DOCK7: variants seen among roughly 807,000 people sequenced by gnomAD.
DOCK7 encodes dedicator of cytokinesis 7.
In DOCK7, 138 loss-of-function variants were observed where a neutral mutation model predicts 271.0. The ratio of observed to expected loss-of-function variants is 0.51; its 90% CI spans 0.44 to 0.59. DOCK7 has a LOEUF of 0.59. Among genes scored for constraint, DOCK7 ranks in the 20% least tolerant of loss-of-function variants. The pLI, the probability that DOCK7 is intolerant of heterozygous loss-of-function variation, is 0.00. For synonymous variants in DOCK7, 823 were observed against 876.1 expected, an observed-to-expected ratio of 0.94 and a Z score of 1.07; for missense variants, 2,066 against 2,592.4, an observed-to-expected ratio of 0.80 and a Z score of 4.41.
At chr1:62,577,917 G>GT (rs1373812320) in intron 17 of DOCK7, among the ~76,000 whole-genome samples, 1 of 151,708 alleles carries the variant, frequency 6.6e-6, no homozygotes, top group Non-Finnish European at 1.5e-5. Flanking sequence ...TTCAACCATA[G>GT]TAATTTTTTT....
intron 14 of DOCK7, chr1:62,602,462 G>GA: frequency 8.1e-7 from 1 of 1,234,124 alleles, no homozygotes; most frequent in Non-Finnish European, 1.2e-6. Context: ...CAGGTATTAG[G>GA]AAAAGTAGTA....
chr1:62,626,176 G>A (rs1653929872), intron 11 of DOCK7, among the ~76,000 whole-genome samples: 1 of 152,064 alleles, frequency 6.6e-6, no homozygotes, highest in East Asian at 1.9e-4. Flanking sequence ...AAATTAGGAA[G>A]TATTTAAGAT....
chr1:62,477,980 G>A, intron 43 of DOCK7, 155 bp from the exon 44 acceptor site: 3 of 826,510 alleles, frequency 3.6e-6, no homozygotes, highest in Non-Finnish European at 5.2e-6. Flanking sequence ...TTTAAACAAA[G>A]TAAACAGTCT....
Position 62,616,590 on chromosome 1 carries a change from A to G in DOCK7, c.1682+2116T>C, listed in dbSNP as rs561798184. Among the ~76,000 whole-genome samples, 5 of 151,906 alleles carry G rather than the reference A, an allele frequency of 3.3e-5. No homozygotes were observed. In the East Asian group the frequency reaches 9.6e-4, roughly 29 times the overall value. On this transcript the variant is annotated intron_variant, in intron 14 of 49. Transcript: ENST00000635253. ...AAATGAAGTAAGAAGGCTTGGGTTCAAGTCCAAACAAGTCTCTTAATTCAG... is the reference window on the plus strand; with the variant it reads ...AAATGAAGTAAGAAGGCTTGGGTTCGAGTCCAAACAAGTCTCTTAATTCAG...
chr1:62,483,209 T>TTTTTTTTTGG (rs1217235928), intron 43 of DOCK7: 1 of 74,400 alleles, frequency 1.3e-5, no homozygotes, highest in African/African-American at 4.4e-5. Context: ...TTTTTTTTTT[T>TTTTTTTTTGG]TTGGGTAGAG....
intron 12 of DOCK7, among the ~76,000 whole-genome samples, chr1:62,622,706 G>A (rs542025208): frequency 1.3e-5 from 2 of 152,272 alleles, no homozygotes; most frequent in South Asian, 4.1e-4. Context: ...TGAGACGGAC[G>A]GATCACAAGG....
At chr1:62,576,384 G>A (rs1336104913) in intron 18 of DOCK7, among the ~76,000 whole-genome samples, 1 of 152,192 alleles carries the variant, frequency 6.6e-6, no homozygotes, top group Non-Finnish European at 1.5e-5. Flanking sequence ...GCAGAGGGAA[G>A]AGCAAAGGGC....
chr1:62,596,750 A>G (rs1649311710), intron 14 of DOCK7, among the ~76,000 whole-genome samples: 1 of 152,160 alleles, frequency 6.6e-6, no homozygotes, highest in African/African-American at 2.4e-5. Context: ...GCTGCTTGTG[A>G]CATTGAAGGT....
intron 7 of DOCK7, 109 bp downstream of exon 7, chr1:62,647,582 C>A: frequency 1.3e-6 from 1 of 749,122 alleles, no homozygotes; most frequent in Non-Finnish European, 2.3e-6. Context: ...AACAATACTT[C>A]TCAAAAGGAC....
chr1:62,627,081 T>C (rs1654043834), intron 11 of DOCK7, among the ~76,000 whole-genome samples: 1 of 152,170 alleles, frequency 6.6e-6, no homozygotes, highest in Non-Finnish European at 1.5e-5. Context: ...AAGGTTAATT[T>C]AACATCCAAA....
At chr1:62,554,494 A>T (rs1204496331) in intron 21 of DOCK7, among the ~76,000 whole-genome samples, 3 of 133,822 alleles carry the variant, frequency 2.2e-5, no homozygotes, top group Non-Finnish European at 5.0e-5. Flanking sequence ...AAAAAAAAAA[A>T]AAAAAGCAAT....
chr1:62,644,391 T>C (rs1263930958), intron 7 of DOCK7, among the ~76,000 whole-genome samples: 1 of 152,220 alleles, frequency 6.6e-6, no homozygotes, highest in African/African-American at 2.4e-5. Flanking sequence ...ATTTCTAATA[T>C]TACTCTCATG....
chr1:62,545,300 T>C (rs1219890033), intron 22 of DOCK7, among the ~76,000 whole-genome samples: 1 of 152,092 alleles, frequency 6.6e-6, no homozygotes, highest in Non-Finnish European at 1.5e-5. Context: ...GGAATACTCT[T>C]GAAGTACCAA....
At chr1:62,665,351 T>C (rs1659170609) in intron 1 of DOCK7, among the ~76,000 whole-genome samples, 1 of 152,028 alleles carries the variant, frequency 6.6e-6, no homozygotes, top group African/African-American at 2.4e-5. Flanking sequence ...TAGCTTGAAG[T>C]CCTTACATAT....
chr1:62,613,886 AC>A (rs957133190), intron 14 of DOCK7, among the ~76,000 whole-genome samples: 29 of 152,172 alleles, frequency 1.9e-4, no homozygotes, highest in African/African-American at 7.0e-4. Context: ...ATAAATTTGA[AC>A]CCCCTGAACT....
At chr1:62,595,770 T>C (rs2149520684) in intron 14 of DOCK7, among the ~76,000 whole-genome samples, 1 of 152,058 alleles carries the variant, frequency 6.6e-6, no homozygotes, top group Non-Finnish European at 1.5e-5. Context: ...CTCTACAAAA[T>C]ATTTAAAAAT....
chr1:62,649,425 T>C (rs1657067645), intron 4 of DOCK7, among the ~76,000 whole-genome samples: 1 of 152,128 alleles, frequency 6.6e-6, no homozygotes. Context: ...CAAAAGAAAG[T>C]ATTTTCTCTG....
At chr1:62,537,695 T>A (rs1233022263) in intron 28 of DOCK7, among the ~76,000 whole-genome samples, 196 bp downstream of exon 28, 2 of 152,184 alleles carry the variant, frequency 1.3e-5, no homozygotes, top group Non-Finnish European at 1.5e-5. Context: ...TTTTCTAACC[T>A]GCAAAATGGG....
intron 7 of DOCK7, 50 bp from the exon 8 acceptor site, chr1:62,636,653 C>G (rs1331765453): frequency 7.0e-7 from 1 of 1,433,096 alleles, no homozygotes; most frequent in Non-Finnish European, 9.6e-7. Context: ...ATGAAATACA[C>G]AGTTGGAGAG....
Sources: allele counts gnomAD v4.1 joint callset (sites outside exome capture counted in the v4.1 genomes callset), GRCh38; gene constraint gnomAD v4.1.1; transcripts MANE v1.5; gene names NCBI Gene and HGNC (gene_info 2026-07-23, HGNC 2026-07-21).